The following NARS1 variants were observed in gnomAD, a reference collection of about 807,000 sequenced individuals.
NARS1 encodes asparaginyl-tRNA synthetase 1, also known as asparagine--tRNA ligase, cytoplasmic.
Under a neutral mutation model 79.2 loss-of-function variants are expected in NARS1, and 65 were observed. The observed-to-expected ratio is 0.82, with a 90% confidence interval of 0.67 to 1.01. The LOEUF is 1.01. Among genes scored for constraint, NARS1 ranks in the 50% least tolerant of loss-of-function variants. The probability of loss-of-function intolerance (pLI) is 0.00; values close to 1 mark genes in which losing one functional copy is unlikely to be tolerated. For synonymous variants in NARS1, 229 were observed against 238.8 expected (o/e 0.96, Z 0.38); for missense variants, 649 against 673.8 (o/e 0.96, Z 0.41).
chr18:57,605,815 C>T (rs774781249), intron 11 of NARS1, 42 bp downstream of exon 11: 2 of 1,338,104 alleles, frequency 1.5e-6, no homozygotes, highest in African/African-American at 1.5e-5. Context: ...AGAATTGGAG[C>T]CCAATCCCAC....
At chr18:57,616,382 T>C (rs1908030291) in intron 2 of NARS1, among the ~76,000 whole-genome samples, 1 of 146,912 alleles carries the variant, frequency 6.8e-6, no homozygotes, top group African/African-American at 2.5e-5. Flanking sequence ...ATCGTGCCAC[T>C]GCACTCCAGC....
chr18:57,602,474 T>A lies in NARS1; in HGVS notation c.1396A>T (p.Met466Leu). The A allele has an allele frequency of 6.2e-7, 1 of 1,613,878 alleles. No homozygotes were observed. The highest frequency in any genetic ancestry group is 8.5e-7 in the Non-Finnish European group (1 of 1,179,844). The change falls in exon 13 of 14, where the codon ATG (methionine) becomes TTG (leucine). Residue 466 changes from methionine to leucine, a missense_variant. Met to Leu is a conservative substitution (Grantham distance 15). Coordinates refer to ENST00000256854, the MANE Select transcript of NARS1 (RefSeq NM_004539.4). ...SRLTESVDVL[M>L]PNVGEIVGGS... is the part of the protein sequence containing the mutation. ...CCCACAATCTCACCAACATTGGGCA[T>A]CAACACGTCGACCTTTAAATATAAG...
chr18:57,609,467 T>C, intron 6 of NARS1, 24 bp from the exon 7 acceptor site: 6 of 1,587,730 alleles, frequency 3.8e-6, no homozygotes, highest in Admixed American at 1.7e-5. Flanking sequence ...AAAGCTCAAA[T>C]TTAGTTATTC....
At chr18:57,607,733 A>G (rs72942204) in intron 7 of NARS1, 68 bp from the exon 8 acceptor site, 305 of 1,288,918 alleles carry the variant, frequency 2.4e-4, no homozygotes, top group Non-Finnish European at 3.1e-4. Flanking sequence ...AGTATTGAGG[A>G]TTTTAATTTA....
At position 57,601,587 on chromosome 18, in the gene NARS1, T is replaced by C. The variant is rs2051506438; in HGVS notation, c.*65A>G. On this transcript the variant is annotated 3_prime_UTR_variant, in exon 14 of 14. Transcript: ENST00000256854. The stretch of plus-strand genomic sequence containing the variant: ...ACAAAAAAAGGAAGATTCTGGCTTT[T>C]TGTTTTCTTTTTTAAAGAGCCTGTT... 2 of 1,467,548 alleles carry C rather than the reference T, an allele frequency of 1.4e-6. No individual in the cohort carries two copies. Among genetic ancestry groups the C allele is most frequent in the East Asian group, 2.3e-5 (1 of 43,462 alleles). The allele number at this position is 1,467,548 out of a possible 1,614,324, so 90.9% of individuals were successfully genotyped here.
In NARS1 at chr18:57,615,092, C is replaced by G. The variant is rs199881959; in HGVS notation, c.342+549G>C. Among the ~76,000 whole-genome samples, 4 of 152,102 alleles carry G rather than the reference C, an allele frequency of 2.6e-5. No homozygotes were observed. In the East Asian group the frequency reaches 7.7e-4, roughly 29 times the overall value. On this transcript the variant is annotated intron_variant, in intron 4 of 13. Transcript: ENST00000256854. ...CCTACTTGGGAGGATCGTTAGAGCC[C>G]AGGAGGCAGAGGTTGCAGTGAGCAG...
chr18:57,606,462 T>C (rs940971399), intron 10 of NARS1, among the ~76,000 whole-genome samples, 154 bp downstream of exon 10: 26 of 151,940 alleles, frequency 1.7e-4, no homozygotes, highest in African/African-American at 5.8e-4. Flanking sequence ...TATAAAATTA[T>C]TGACAGTGAC....
chr18:57,609,317 A>C, intron 7 of NARS1, 40 bp downstream of exon 7: 1 of 1,484,692 alleles, frequency 6.7e-7, no homozygotes, highest in Non-Finnish European at 9.4e-7. Context: ...ACCAATAAAT[A>C]AACTATTCAT....
chr18:57,607,047 A>G, intron 9 of NARS1, 87 bp downstream of exon 9: 1 of 1,382,214 alleles, frequency 7.2e-7, no homozygotes, highest in Non-Finnish European at 9.9e-7. Context: ...GGTTTTTTTT[A>G]AAACATAAAC....
In NARS1 at chr18:57,602,381, T is replaced by C. The variant is rs2051515060; in HGVS notation, c.1489A>G (p.Thr497Ala). ...TGATCCGTATACCAGTAATAGGGAG[T>C]GGGGTCAATCCCTTCCCTTTTATAA... ...AGYKREGIDP[T>A]PYYWYTDQRK... is the part of the protein sequence containing the mutation. The change falls in exon 13 of 14, where the codon ACT becomes GCT. Residue 497 changes from threonine (T) to alanine (A), a missense_variant. Thr to Ala is a moderately conservative substitution (Grantham distance 58, BLOSUM62 0). Coordinates refer to ENST00000256854, the MANE Select transcript of NARS1 (RefSeq NM_004539.4). 1 of 1,613,642 alleles carries C rather than the reference T, an allele frequency of 6.2e-7. No individual in the cohort carries two copies. The highest frequency in any genetic ancestry group is 1.7e-4 in the Middle Eastern group (1 of 6,060).
chr18:57,615,007 T>A (rs539298346), intron 4 of NARS1, among the ~76,000 whole-genome samples: 1 of 151,058 alleles, frequency 6.6e-6, no homozygotes, highest in African/African-American at 2.4e-5. Context: ...AGACTGTTTC[T>A]ACAAAAATTA....
chr18:57,612,510 A>C (rs1216763521), intron 5 of NARS1, among the ~76,000 whole-genome samples: 3 of 152,006 alleles, frequency 2.0e-5, no homozygotes, highest in Non-Finnish European at 4.4e-5. Context: ...ATCTCGGCTC[A>C]CTGCAACCTC....
intron 7 of NARS1, among the ~76,000 whole-genome samples, chr18:57,608,860 G>A (rs192316057): frequency 3.3e-5 from 5 of 152,332 alleles, no homozygotes; most frequent in African/African-American, 4.8e-5. Flanking sequence ...CTCAATGTGG[G>A]TGGGCACCAC....
chr18:57,615,988 G>A lies in NARS1; in HGVS notation c.94-13C>T. 1.3e-6 allele frequency: 2 copies of A among 1,581,434 alleles called. No individual in the cohort carries two copies. The highest frequency in any genetic ancestry group is 1.7e-6 in the Non-Finnish European group (2 of 1,167,410). ...CTGTCATCAAAGCCTTGGGTAGGGA[G>A]GAGAGAAAAGACAGTTCTTGAACAT... On this transcript the variant is annotated splice_polypyrimidine_tract_variant and intron_variant, in intron 2 of 13. Transcript: ENST00000256854.
intron 4 of NARS1, among the ~76,000 whole-genome samples, chr18:57,614,988 C>A (rs1214793027): frequency 6.7e-6 from 1 of 150,300 alleles, no homozygotes; most frequent in Non-Finnish European, 1.5e-5. Context: ...CCAGCCCGGG[C>A]AATATGGGAG....
At position 57,607,586 on chromosome 18, in the gene NARS1, A is replaced by T. The variant is rs2051569931; in HGVS notation, c.659T>A (p.Ile220Asn). 6.2e-7 allele frequency: 1 copy of T among 1,613,994 alleles called. No individual in the cohort carries two copies. Among genetic ancestry groups the T allele is most frequent in the South Asian group, 1.1e-5 (1 of 91,080 alleles). ...LAPAGGADNL[I>N]NEESDVDVQL... ...GACATCAACGTCAGACTCCTCATTG[A>T]TCAGGTTGTCAGCTCCTCCAGCAGG... Residue 220 changes from isoleucine (I) to asparagine (N), a missense_variant, in exon 8 of 14, where the codon ATC (isoleucine) becomes AAC (asparagine). Transcript: ENST00000256854.
rs1036408505 is a variant in NARS1, at chr18:57,609,444, C to A, written c.493-1G>T. 3.7e-6 allele frequency: 6 copies of A among 1,611,756 alleles called. No individual in the cohort carries two copies. The highest frequency in any genetic ancestry group is 5.1e-6 in the Non-Finnish European group (6 of 1,178,884). The stretch of plus-strand genomic sequence containing the variant: ...AGAGAACTCCATTGTAGCACTGACA[C>A]TATAAAAAGGTCAAAGCTCAAATTT... On this transcript the variant is annotated splice_acceptor_variant, in intron 6 of 13. Coordinates refer to ENST00000256854, the MANE Select transcript of NARS1 (RefSeq NM_004539.4). LOFTEE classifies it high-confidence loss of function.
In NARS1 at chr18:57,606,001, T is replaced by C. The variant is rs549096611; in HGVS notation, c.1138-31A>G. The stretch of plus-strand genomic sequence containing the variant: ...GAAGAAAGGAAAAATATAATGTGTA[T>C]ATATACATAAATATAAACATTAACA... On this transcript the variant is annotated intron_variant, in intron 10 of 13. Coordinates refer to ENST00000256854, the MANE Select transcript of NARS1 (RefSeq NM_004539.4). 4.5e-6 allele frequency: 6 copies of C among 1,325,212 alleles called. No homozygotes were observed. In the South Asian group the frequency reaches 5.2e-5, roughly 12 times the overall value. The allele number at this position is 1,325,212 out of a possible 1,614,324, so 82.1% of individuals were successfully genotyped here.
chr18:57,606,353 A>AAAAT (rs1491130105), intron 10 of NARS1, among the ~76,000 whole-genome samples: 1 of 10,922 alleles, frequency 9.2e-5, no homozygotes, highest in African/African-American at 1.4e-4. Context: ...TCAAAAAAAA[A>AAAAT]ATATATATAT....
Sources: allele counts gnomAD v4.1 joint callset (sites outside exome capture counted in the v4.1 genomes callset), GRCh38; gene constraint gnomAD v4.1.1; transcripts MANE v1.5; gene names NCBI Gene and HGNC (gene_info 2026-07-23, HGNC 2026-07-21).